The following ZNF7 variants were observed in gnomAD, a reference collection of about 807,000 sequenced individuals.
ZNF7 encodes zinc finger protein 7, also known as C2-H2 type zinc finger protein.
A neutral mutation model predicts 12.0 loss-of-function variants in ZNF7; 10 were observed. The observed-to-expected ratio is 0.83, with a 90% CI of 0.51 to 1.42. The LOEUF is 1.42. Ranked by LOEUF, ZNF7 falls within the 40% of genes most tolerant of loss-of-function variation. The probability of loss-of-function intolerance (pLI) is 0.00; values close to 1 mark genes in which losing one functional copy is unlikely to be tolerated. For missense variants in ZNF7, 854 were observed against 837.2 expected (o/e 1.02, Z -0.25); for synonymous variants, 334 against 295.0 (o/e 1.13, Z -1.35).
rs376229584 is a variant in ZNF7, at chr8:144,842,101, A to C, written c.994A>C (p.Arg332=). 2.6e-5 allele frequency: 42 copies of C among 1,614,064 alleles called. No homozygotes were observed. The African/African-American group carries it at 5.2e-4, about 20-fold the overall frequency. The change falls in exon 5 of 5, where the codon AGG becomes CGG. Residue 332 remains arginine, a synonymous_variant. Transcript: ENST00000532777. ...IHHQRIHTGE[R]PYGCRECGKA... is the part of the protein sequence containing the mutation. ...CCATCAGAGAATCCACACAGGAGAG[A>C]GGCCCTATGGTTGTCGTGAGTGTGG...
In ZNF7 at chr8:144,843,355, C is replaced by G; in HGVS notation, c.*187C>G. On this transcript the variant is annotated 3_prime_UTR_variant, in exon 5 of 5. Coordinates refer to ENST00000532777, the MANE Select transcript of ZNF7 (RefSeq NM_003416.4). The stretch of plus-strand genomic sequence containing the variant: ...CTGTCATCCCAGCACTTTGGGAGGC[C>G]AAGGCGGGCACATCACGAGGTCAGG... The G allele has an allele frequency of 1.6e-6, 1 of 630,776 alleles. No individual in the cohort carries two copies. Among genetic ancestry groups the G allele is most frequent in the East Asian group, 3.1e-5 (1 of 32,608 alleles). The allele number at this position is 630,776 out of a possible 1,614,324, so 39.1% of individuals were successfully genotyped here. A position where few individuals can be genotyped will look rare whatever the true frequency, so the allele number is the denominator to read the frequency against.
Position 144,840,075 on chromosome 8 carries a change from C to T in ZNF7, c.248-1280C>T, listed in dbSNP as rs1402844351. Among the ~76,000 whole-genome samples the T allele has an allele frequency of 2.6e-5, 4 of 152,258 alleles. No homozygotes were observed. In the East Asian group the frequency reaches 7.7e-4, roughly 29 times the overall value. On this transcript the variant is annotated intron_variant, in intron 4 of 4. Transcript: ENST00000532777. ...TCAGCCTCCCAAGTAGCCGGGATTA[C>T]AGGCGTGAGCCACTGCACCTGGCCA... is the stretch of plus-strand genomic sequence containing the variant.
Position 144,831,155 on chromosome 8 carries a change from A to T in ZNF7, c.130+1551A>T, listed in dbSNP as rs1828404218. 3 of 361,262 alleles carry T rather than the reference A, an allele frequency of 8.3e-6. No homozygotes were observed. In the Admixed American group the frequency reaches 1.0e-4, roughly 12 times the overall value. The allele number at this position is 361,262 out of a possible 1,614,324, so 22.4% of individuals were successfully genotyped here. On this transcript the variant is annotated intron_variant, in intron 3 of 4. Coordinates refer to ENST00000532777, the MANE Select transcript of ZNF7 (RefSeq NM_003416.4). ...AGGCCCTGTGTGTACACAGTTGCTG[A>T]TGTACCAGTAACTGGAATTGCAGTC...
rs534206048 is a variant in ZNF7 at position 144,830,852 on chromosome 8, G to A, written c.130+1248G>A. The A allele has an allele frequency of 1.8e-5, 8 of 440,732 alleles. 1 individual carries two copies. Among genetic ancestry groups the A allele is most frequent in the South Asian group, 1.1e-4 (7 of 62,890 alleles). The allele number at this position is 440,732 out of a possible 1,614,324, so 27.3% of individuals were successfully genotyped here. A position where few individuals can be genotyped will look rare whatever the true frequency, so the allele number is the denominator to read the frequency against. The stretch of plus-strand genomic sequence containing the variant: ...GGGTTCAAGCGATTCTCCTGCCTCA[G>A]CCTCCCGAGTAGCTGGGATTACAGG... On this transcript the variant is annotated intron_variant, in intron 3 of 4. Transcript: ENST00000532777.
Position 144,839,622 on chromosome 8 carries a change from C to T in ZNF7, c.248-1733C>T, listed in dbSNP as rs576115411. 3.9e-4 allele frequency among the ~76,000 whole-genome samples: 60 copies of T among 152,370 alleles called. 1 individual carries two copies. The highest frequency in any genetic ancestry group is 2.1e-3 in the Admixed American group (32 of 15,300). ...AGAATCCCACAGTAGGTGAGAGCTGCTGTTGATGGACCCAGCACTTGCTCG... is the reference window on the plus strand; with the variant it reads ...AGAATCCCACAGTAGGTGAGAGCTGTTGTTGATGGACCCAGCACTTGCTCG... On this transcript the variant is annotated intron_variant, in intron 4 of 4. Coordinates refer to ENST00000532777, the MANE Select transcript of ZNF7 (RefSeq NM_003416.4).
chr8:144,841,235 G>C, intron 4 of ZNF7, 120 bp from the exon 5 acceptor site: 1 of 994,122 alleles, frequency 1.0e-6, no homozygotes, highest in East Asian at 2.4e-5. Flanking sequence ...TTCCACCTGG[G>C]GCCTCACAGT....
At chr8:144,844,487 G>T (rs1383071969), downstream of ZNF7, among the ~76,000 whole-genome samples, 2 of 151,754 alleles carry the variant, frequency 1.3e-5, no homozygotes, top group African/African-American at 4.8e-5. Context: ...GAGGTGGGTG[G>T]ATCATGAGGT....
chr8:144,842,230 T>G lies in ZNF7; in HGVS notation c.1123T>G (p.Ser375Ala). 1 of 1,614,090 alleles carries G rather than the reference T, an allele frequency of 6.2e-7. No homozygotes were observed. The highest frequency in any genetic ancestry group is 8.5e-7 in the Non-Finnish European group (1 of 1,180,030). Reference sequence around the variant, plus strand: ...GTGTGGGAAGGCCTTCAGCCAGAGCTCCACCCTAGCCCAGCATCAAAGGAT... The same window carrying G: ...GTGTGGGAAGGCCTTCAGCCAGAGCGCCACCCTAGCCCAGCATCAAAGGAT... ...KECGKAFSQS[S>A]TLAQHQRMHT... Residue 375 changes from serine to alanine, a missense_variant, in exon 5 of 5, where the codon TCC becomes GCC. Coordinates refer to ENST00000532777, the MANE Select transcript of ZNF7 (RefSeq NM_003416.4).
chr8:144,846,152 G>A (rs1830501730), downstream of ZNF7: 1 of 1,536,060 alleles, frequency 6.5e-7, no homozygotes, highest in Admixed American at 2.0e-5. Flanking sequence ...CAGAAGGAGG[G>A]GAACGTCAGC....
intron 3 of ZNF7, among the ~76,000 whole-genome samples, chr8:144,830,695 C>A (rs1018430657): frequency 6.6e-6 from 1 of 150,416 alleles, no homozygotes; most frequent in Non-Finnish European, 1.5e-5. Context: ...CCCTGTCTCA[C>A]TGAAATAGGA....
rs901737608 is a variant in ZNF7 at position 144,841,287 on chromosome 8, G to C, written c.248-68G>C. The C allele has an allele frequency of 2.7e-6, 4 of 1,486,072 alleles. No individual in the cohort carries two copies. In the East Asian group the frequency reaches 9.1e-5, roughly 34 times the overall value. The allele number at this position is 1,486,072 out of a possible 1,614,324, so 92.1% of individuals were successfully genotyped here. ...CTGGGAGCCTTGAGCCCTGGCCCCC[G>C]CATTTGTAGTCTTATCATTTCTCTG... is the stretch of plus-strand genomic sequence containing the variant. On this transcript the variant is annotated intron_variant, in intron 4 of 4. Transcript: ENST00000532777.
intron 4 of ZNF7, 151 bp from the exon 5 acceptor site, chr8:144,841,204 G>T (rs1180164055): frequency 6.6e-6 from 5 of 756,542 alleles, no homozygotes; most frequent in Non-Finnish European, 1.1e-5. Context: ...ACTGTCAAAG[G>T]CTCTGCCTTC....
At chr8:144,832,972 CG>C (rs1177676281) in intron 3 of ZNF7, among the ~76,000 whole-genome samples, 4 of 151,982 alleles carry the variant, frequency 2.6e-5, no homozygotes, top group Non-Finnish European at 5.9e-5. Context: ...CCGAGGTGGG[CG>C]GATCACCTGA....
At chr8:144,837,920 T>C (rs1174805727) in intron 4 of ZNF7, 2 of 623,120 alleles carry the variant, frequency 3.2e-6, no homozygotes, top group Non-Finnish European at 5.8e-6. Context: ...CCTCTCAGGC[T>C]CCAGGAGTGC....
chr8:144,841,300 TATC>T (rs1456425662), intron 4 of ZNF7, 52 bp from the exon 5 acceptor site: 18 of 1,525,904 alleles, frequency 1.2e-5, no homozygotes, highest in African/African-American at 1.4e-5. Flanking sequence ...TTTGTAGTCT[TATC>T]ATTTCTCTGA....
At position 144,842,657 on chromosome 8, in the gene ZNF7, G is replaced by A. The variant is rs1307184065; in HGVS notation, c.1550G>A (p.Arg517Lys). 1 of 1,614,068 alleles carries A rather than the reference G, an allele frequency of 6.2e-7. No individual in the cohort carries two copies. Among genetic ancestry groups the A allele is most frequent in the African/African-American group, 1.3e-5 (1 of 74,924 alleles). The change falls in exon 5 of 5, where the codon AGA becomes AAA. Residue 517 changes from arginine to lysine, a missense_variant. Coordinates refer to ENST00000532777, the MANE Select transcript of ZNF7 (RefSeq NM_003416.4). ...SQSSSLIYHQ[R>K]IHKGEKPYEC... is the part of the protein sequence containing the mutation. ...AGTTCCAGCCTTATTTACCATCAGA[G>A]AATCCATAAAGGAGAGAAGCCCTAC...
downstream of ZNF7, chr8:144,846,314 G>A: frequency 4.7e-6 from 4 of 851,326 alleles, no homozygotes; most frequent in African/African-American, 1.7e-5. Context: ...CCTAAGTCAG[G>A]GGCTGGCAAA....
At chr8:144,830,946 C>G in intron 3 of ZNF7, 1 of 457,030 alleles carries the variant, frequency 2.2e-6, no homozygotes, top group South Asian at 1.5e-5. Flanking sequence ...AGTGACCCCA[C>G]TCTCTGGTTT....
At chr8:144,839,486 C>T (rs988969947) in intron 4 of ZNF7, among the ~76,000 whole-genome samples, 8 of 152,208 alleles carry the variant, frequency 5.3e-5, no homozygotes, top group East Asian at 1.9e-4. Flanking sequence ...TGGACAGGAG[C>T]GTTTAAAGAG....
Sources: gnomAD v4.1 joint callset for allele counts (sites outside exome capture counted in the v4.1 genomes callset) on GRCh38, gnomAD v4.1.1 for gene constraint, MANE v1.5 for transcripts, NCBI Gene and HGNC (gene_info 2026-07-23, HGNC 2026-07-21) for gene names.